PTK2: variants seen among roughly 807,000 people sequenced by gnomAD.
The protein encoded by PTK2 is protein tyrosine kinase 2.
Under a neutral mutation model 150.1 loss-of-function variants are expected in PTK2, and 45 were observed. The ratio of observed to expected loss-of-function variants is 0.30; its 90% CI spans 0.24 to 0.38. The LOEUF is 0.38. PTK2 is among the 10% of genes least tolerant of loss of function. PTK2 has a pLI of 1.00. For missense variants in PTK2, 919 were observed against 1,307.3 expected (o/e 0.70, Z 4.58); for synonymous variants, 432 against 449.2 (o/e 0.96, Z 0.48).
intron 2 of PTK2, chr8:140,892,573 C>A: frequency 2.2e-6 from 1 of 451,684 alleles, no homozygotes. Context: ...AGAGCCAACC[C>A]TCTGTTGGTA....
chr8:140,853,157 C>G (rs76572564), intron 5 of PTK2, among the ~76,000 whole-genome samples: 6,551 of 151,664 alleles, frequency 0.043, 194 homozygotes, highest in Non-Finnish European at 0.065. Flanking sequence ...AGGCCAGAGT[C>G]TCTGCTTGGC....
chr8:140,721,770 C>A (rs2100043035), intron 22 of PTK2: 1 of 152,198 alleles, frequency 6.6e-6, no homozygotes, highest in South Asian at 2.1e-4. Flanking sequence ...CTTTCTCTGG[C>A]CAACTCCTAC....
At chr8:140,715,456 GCCA>G (rs1183569926) in intron 23 of PTK2, among the ~76,000 whole-genome samples, 1 of 151,974 alleles carries the variant, frequency 6.6e-6, no homozygotes, top group African/African-American at 2.4e-5. Flanking sequence ...ACAGGGGTGA[GCCA>G]CCATGCCCGG....
At chr8:141,001,945 G>C (rs2100200344), upstream of PTK2, 1 of 152,256 alleles carries the variant, frequency 6.6e-6, no homozygotes, top group African/African-American at 2.4e-5. Context: ...GTCCACTGGA[G>C]GTAGACAGGT....
At chr8:140,761,749 T>C (rs183499268) in intron 15 of PTK2, among the ~76,000 whole-genome samples, 37 of 152,002 alleles carry the variant, frequency 2.4e-4, no homozygotes, top group Non-Finnish European at 3.5e-4. Flanking sequence ...AGTTTAAGAG[T>C]TTTCCACTTT....
intron 1 of PTK2, among the ~76,000 whole-genome samples, chr8:140,989,260 G>T (rs1489691483): frequency 1.3e-5 from 2 of 149,278 alleles, no homozygotes; most frequent in Non-Finnish European, 3.0e-5. Flanking sequence ...AGCCAGCAGG[G>T]TGATACACCT....
Position 140,989,530 on chromosome 8 carries a change from T to TA in PTK2, c.-122+11594dup, listed in dbSNP as rs528030872. Among the ~76,000 whole-genome samples, 487 of 140,580 alleles carry TA rather than the reference T, an allele frequency of 3.5e-3. 5 individuals are homozygous for TA. The South Asian group carries it at 0.046, about 13-fold the overall frequency. The allele number at this position is 140,580 out of a possible 152,430, so 92.2% of individuals were successfully genotyped here. ...TACAGAAGCTACAAATTAATGAATT[T>TA]AAAAAAAAAAAAAGAAGACCTAATA... is the stretch of plus-strand genomic sequence containing the variant. On this transcript the variant is annotated intron_variant, in intron 1 of 31. Coordinates refer to ENST00000522684, the Ensembl canonical transcript of PTK2.
At chr8:140,981,640 T>C (rs1222122716) in intron 1 of PTK2, among the ~76,000 whole-genome samples, 1 of 152,250 alleles carries the variant, frequency 6.6e-6, no homozygotes, top group Non-Finnish European at 1.5e-5. Context: ...AAAACAATGT[T>C]TCACGGCATG....
At chr8:140,914,109 T>C (rs1337512160) in intron 2 of PTK2, among the ~76,000 whole-genome samples, 2 of 152,212 alleles carry the variant, frequency 1.3e-5, no homozygotes, top group East Asian at 3.8e-4. Context: ...AAATGTATTT[T>C]AGTTTACTTT....
intron 1 of PTK2, among the ~76,000 whole-genome samples, chr8:140,969,554 C>T (rs2100186514): frequency 6.6e-6 from 1 of 152,014 alleles, no homozygotes; most frequent in Non-Finnish European, 1.5e-5. Context: ...TCCTGCTTCC[C>T]TTCTCTTGCT....
Position 140,962,248 on chromosome 8 carries a change from G to A in PTK2, c.-121-36499C>T, listed in dbSNP as rs1170294824. Reference sequence around the variant, plus strand: ...AAAAAAAAAAAAGGAAGGAAGAAAGGAAGGGAGGAAGGGAAGAAGGGAGGG... The same window carrying A: ...AAAAAAAAAAAAGGAAGGAAGAAAGAAAGGGAGGAAGGGAAGAAGGGAGGG... On this transcript the variant is annotated intron_variant, in intron 1 of 31. Transcript: ENST00000522684. 7.2e-4 allele frequency among the ~76,000 whole-genome samples: 99 copies of A among 136,902 alleles called. 1 individual carries two copies. The highest frequency in any genetic ancestry group is 7.3e-3 in the Middle Eastern group (2 of 274). The allele number at this position is 136,902 out of a possible 152,430, so 89.8% of individuals were successfully genotyped here.
chr8:140,758,978 A>T (rs1319589250), intron 16 of PTK2, among the ~76,000 whole-genome samples: 9 of 152,230 alleles, frequency 5.9e-5, no homozygotes, highest in Non-Finnish European at 8.8e-5. Flanking sequence ...TATTCAATAC[A>T]GTAACATGCC....
chr8:140,731,010 G>C (rs1444809409), intron 22 of PTK2, among the ~76,000 whole-genome samples: 2 of 142,478 alleles, frequency 1.4e-5, no homozygotes, highest in African/African-American at 5.3e-5. Flanking sequence ...CCGGGCTGGA[G>C]TGCAATGGCG....
chr8:140,702,162 A>T (rs1309282421), intron 25 of PTK2, among the ~76,000 whole-genome samples: 2 of 149,452 alleles, frequency 1.3e-5, no homozygotes, highest in African/African-American at 4.9e-5. Context: ...AAGTCATTAA[A>T]ATCAATAAAT....
At chr8:140,891,337 A>C (rs1040149560) in intron 2 of PTK2, among the ~76,000 whole-genome samples, 2 of 152,196 alleles carry the variant, frequency 1.3e-5, no homozygotes, top group African/African-American at 4.8e-5. Context: ...TGCACAATTA[A>C]AATTTTTAAG....
intron 23 of PTK2, among the ~76,000 whole-genome samples, chr8:140,711,021 T>A (rs1419619756): frequency 6.6e-6 from 1 of 152,236 alleles, no homozygotes; most frequent in Non-Finnish European, 1.5e-5. Context: ...CACTGCAACC[T>A]CTGCCTCCCG....
chr8:140,771,012 T>C (rs1023902396), intron 14 of PTK2: 1 of 198,036 alleles, frequency 5.0e-6, no homozygotes, highest in African/African-American at 2.4e-5. Flanking sequence ...TCCTGTAGAT[T>C]AGCACTTGAT....
chr8:140,661,752 G>A (rs565812846), intron 31 of PTK2, among the ~76,000 whole-genome samples: 2 of 152,206 alleles, frequency 1.3e-5, no homozygotes, highest in Non-Finnish European at 2.9e-5. Context: ...GGGGTCTCAA[G>A]GGGGAGTTAG....
At position 140,982,861 on chromosome 8, in the gene PTK2, G is replaced by C. The variant is rs138092732; in HGVS notation, c.-122+18264C>G. Among the ~76,000 whole-genome samples, 545 of 152,178 alleles carry C rather than the reference G, an allele frequency of 3.6e-3. 4 individuals are homozygous for C. Among genetic ancestry groups the C allele is most frequent in the African/African-American group, 0.012 (517 of 41,506 alleles). ...TTAAATAATAACCATGGCTGAAAGTGGTAATGAATAAACAGGGAATTCATT... is the reference window on the plus strand; with the variant it reads ...TTAAATAATAACCATGGCTGAAAGTCGTAATGAATAAACAGGGAATTCATT... On this transcript the variant is annotated intron_variant, in intron 1 of 31. Coordinates refer to ENST00000522684, the Ensembl canonical transcript of PTK2.
Sources: allele counts gnomAD v4.1 joint callset (sites outside exome capture counted in the v4.1 genomes callset), GRCh38; gene constraint gnomAD v4.1.1; transcripts MANE v1.5; gene names NCBI Gene and HGNC (gene_info 2026-07-23, HGNC 2026-07-21).